S100A2: variants seen among roughly 807,000 people sequenced by gnomAD.
The protein encoded by S100A2 is S100 calcium binding protein A2.
S100A2 carries 5 observed loss-of-function variants against 4.3 expected under a neutral mutation model. The observed-to-expected ratio is 1.16, with a 90% CI of 0.61 to 2.44. S100A2 has a LOEUF of 2.44. Ranked by LOEUF, S100A2 falls within the 30% of genes most tolerant of loss-of-function variation. The probability of loss-of-function intolerance (pLI) is 0.01; values close to 1 mark genes in which losing one functional copy is unlikely to be tolerated. For missense variants in S100A2, 103 were observed against 114.7 expected (o/e 0.90, Z 0.47); for synonymous variants, 44 against 46.0 (o/e 0.96, Z 0.17).
At chr1:153,562,265 C>A (rs962820272) in intron 2 of S100A2, among the ~76,000 whole-genome samples, 1 of 152,150 alleles carries the variant, frequency 6.6e-6, no homozygotes. Flanking sequence ...GCAATCCACC[C>A]AAGTAGCTGG....
Position 153,561,442 on chromosome 1 carries a change from G to C in S100A2, c.294C>G (p.Pro98=), listed in dbSNP as rs1665892178. 1 of 1,612,238 alleles carries C rather than the reference G, an allele frequency of 6.2e-7. No homozygotes were observed. Among genetic ancestry groups the C allele is most frequent in the Non-Finnish European group, 8.5e-7 (1 of 1,178,368 alleles). Residue 98 remains proline, a synonymous_variant, in exon 3 of 3, where the codon CCC becomes CCG. Coordinates refer to ENST00000368708, the MANE Select transcript of S100A2 (RefSeq NM_005978.4). ...GCAGGAAGTCAAGAGTTCTGCTTCAGGGTCGGTCTGGGCAGCCCTGGAAGA... is the reference window on the plus strand; with the variant it reads ...GCAGGAAGTCAAGAGTTCTGCTTCACGGTCGGTCTGGGCAGCCCTGGAAGA... ...NDFFQGCPDR[P]
intron 1 of S100A2, chr1:153,564,153 G>GAGGGC (rs1665957952): frequency 5.2e-6 from 2 of 384,886 alleles, no homozygotes; most frequent in Non-Finnish European, 9.3e-6. Flanking sequence ...ACACCCCCCT[G>GAGGGC]AGGGCAGGGC....
chr1:153,563,417 G>C, intron 2 of S100A2: 2 of 1,550,024 alleles, frequency 1.3e-6, no homozygotes, highest in Non-Finnish European at 1.7e-6. Flanking sequence ...GAACGTGCCA[G>C]TGCTGTGTGA....
At position 153,565,818 on chromosome 1, in the gene S100A2, G is replaced by T. The variant is rs1237134604; in HGVS notation, c.-323C>A. 6.6e-6 allele frequency: 1 copy of T among 152,570 alleles called. No homozygotes were observed. Among genetic ancestry groups the T allele is most frequent in the African/African-American group, 2.4e-5 (1 of 41,464 alleles). 9.5% of individuals were successfully genotyped at this position (152,570 alleles called of 1,614,324 possible). A position where few individuals can be genotyped will look rare whatever the true frequency, so the allele number is the denominator to read the frequency against. Reference sequence around the variant, plus strand: ...TCGTGGGGACTGGGCATCCTGGACCGGGGTGAGGGGAGGCAACCCCTGCTC... The same window carrying T: ...TCGTGGGGACTGGGCATCCTGGACCTGGGTGAGGGGAGGCAACCCCTGCTC... On this transcript the variant is annotated 5_prime_UTR_variant, in exon 1 of 3. Transcript: ENST00000368708.
At position 153,561,156 on chromosome 1, in the gene S100A2, A is replaced by G. The variant is rs947329096; in HGVS notation, c.*283T>C. On this transcript the variant is annotated 3_prime_UTR_variant, in exon 3 of 3. Transcript: ENST00000368708. ...TTGACAAAATAAAAGTCAGCAACCTATCTCGATTTCCAATTTTTTGCTGGT... is the reference window on the plus strand; with the variant it reads ...TTGACAAAATAAAAGTCAGCAACCTGTCTCGATTTCCAATTTTTTGCTGGT... 2.7e-5 allele frequency: 8 copies of G among 298,904 alleles called. No homozygotes were observed. Among genetic ancestry groups the G allele is most frequent in the Non-Finnish European group, 4.9e-5 (8 of 164,520 alleles). 18.5% of individuals were successfully genotyped at this position (298,904 alleles called of 1,614,324 possible).
At position 153,563,852 on chromosome 1, in the gene S100A2, G is replaced by A. The variant is rs575985349; in HGVS notation, c.26C>T (p.Ala9Val). ...GAAGGTAGTGACCAGCACAGCCAGC[G>A]CCTGCTCCAGAGAACTGCACATCAT... Reference protein sequence around the residue: MMCSSLEQALAVLVTTFHK... With the variant: MMCSSLEQVLAVLVTTFHK... Residue 9 changes from alanine to valine, a missense_variant, in exon 2 of 3, where the codon GCG (alanine) becomes GTG (valine). Ala to Val is a moderately conservative substitution (Grantham distance 64). Coordinates refer to ENST00000368708, the MANE Select transcript of S100A2 (RefSeq NM_005978.4). 2.5e-5 allele frequency: 41 copies of A among 1,614,184 alleles called. No individual in the cohort carries two copies. The highest frequency in any genetic ancestry group is 1.8e-4 in the Admixed American group (11 of 60,026).
Position 153,564,064 on chromosome 1 carries a change from C to A in S100A2, c.-10-177G>T, listed in dbSNP as rs1238048448. The A allele has an allele frequency of 6.7e-6, 4 of 601,134 alleles. No homozygotes were observed. The Admixed American group carries it at 1.3e-4, about 20-fold the overall frequency. 37.2% of individuals were successfully genotyped at this position (601,134 alleles called of 1,614,324 possible). ...GGTTCCCTGAGGCCGGAGGCGATAC[C>A]TCCATCTCACCCTGAGGGCAGACGC... On this transcript the variant is annotated intron_variant, in intron 1 of 2. Coordinates refer to ENST00000368708, the MANE Select transcript of S100A2 (RefSeq NM_005978.4).
intron 2 of S100A2, among the ~76,000 whole-genome samples, chr1:153,562,580 A>C (rs79582850): frequency 0.01 from 1,560 of 152,360 alleles, 26 homozygotes; most frequent in African/African-American, 0.036. Context: ...CCAATGAGTC[A>C]GTATAGGGAG....
intron 1 of S100A2, chr1:153,564,239 C>G (rs1305150167): frequency 5.2e-6 from 1 of 191,994 alleles, no homozygotes; most frequent in Non-Finnish European, 1.1e-5. Context: ...TGCGCAGGCT[C>G]TGGGGAGCAG....
At chr1:153,564,568 G>C (rs1321260393) in intron 1 of S100A2, among the ~76,000 whole-genome samples, 1 of 152,160 alleles carries the variant, frequency 6.6e-6, no homozygotes, top group Non-Finnish European at 1.5e-5. Context: ...GATCCTGTTG[G>C]AATTAGAATT....
chr1:153,563,773 C>A lies in S100A2; in HGVS notation c.105G>T (p.Met35Ile), dbSNP rs764670446. Residue 35 changes from methionine to isoleucine, a missense_variant, in exon 2 of 3, where the codon ATG becomes ATT. Physicochemically the swap from Met to Ile is conservative, Grantham distance 10 (BLOSUM62 1). Coordinates refer to ENST00000368708, the MANE Select transcript of S100A2 (RefSeq NM_005978.4). Reference protein sequence around the residue: ...GDKFKLSKGEMKELLHKELPS... With the variant: ...GDKFKLSKGEIKELLHKELPS... ...GCAGCTCCTTGTGCAGAAGTTCCTT[C>A]ATTTCCCCCTTACTCAGCTTGAACT... is the stretch of plus-strand genomic sequence containing the variant. 1 of 1,614,226 alleles carries A rather than the reference C, an allele frequency of 6.2e-7. No individual in the cohort carries two copies. Among genetic ancestry groups the A allele is most frequent in the South Asian group, 1.1e-5 (1 of 91,086 alleles).
chr1:153,563,316 G>A lies in S100A2; in HGVS notation c.144+418C>T, dbSNP rs1345585962. 4 of 1,257,212 alleles carry A rather than the reference G, an allele frequency of 3.2e-6. No homozygotes were observed. In the African/African-American group the frequency reaches 4.6e-5, roughly 14 times the overall value. 77.9% of individuals were successfully genotyped at this position (1,257,212 alleles called of 1,614,324 possible). A position where few individuals can be genotyped will look rare whatever the true frequency, so the allele number is the denominator to read the frequency against. ...GACCCCTGGAGGCAGAGGTTGCAGT[G>A]AGCCGAGATCGTGCCATTGCACTCC... On this transcript the variant is annotated intron_variant, in intron 2 of 2. Transcript: ENST00000368708.
chr1:153,561,208 A>G lies in S100A2; in HGVS notation c.*231T>C, dbSNP rs1665886583. The stretch of plus-strand genomic sequence containing the variant: ...TTTGAAATTCCAAAATTGAGACCTA[A>G]AGCATAGCTCTGGCCTTGGAGAGAT... On this transcript the variant is annotated 3_prime_UTR_variant, in exon 3 of 3. Transcript: ENST00000368708. 5 of 403,390 alleles carry G rather than the reference A, an allele frequency of 1.2e-5. No individual in the cohort carries two copies. Among genetic ancestry groups the G allele is most frequent in the Non-Finnish European group, 2.2e-5 (5 of 231,460 alleles). 25.0% of individuals were successfully genotyped at this position (403,390 alleles called of 1,614,324 possible).
chr1:153,561,660 C>G, intron 2 of S100A2, 69 bp from the exon 3 acceptor site: 2 of 1,609,300 alleles, frequency 1.2e-6, no homozygotes, highest in Non-Finnish European at 1.7e-6. Context: ...ACACCCAGAC[C>G]CTCACACATT....
chr1:153,564,854 C>CTAAAAAAAAAAAAA, intron 1 of S100A2, among the ~76,000 whole-genome samples: 2 of 54,798 alleles, frequency 3.6e-5, no homozygotes, highest in South Asian at 1.2e-3. Flanking sequence ...CAGGACTTTG[C>CTAAAAAAAAAAAAA]AAAAAAAAAA....
chr1:153,561,661 C>T (rs1665898212), intron 2 of S100A2, 70 bp from the exon 3 acceptor site: 1 of 1,608,994 alleles, frequency 6.2e-7, no homozygotes, highest in African/African-American at 1.3e-5. Context: ...CACCCAGACC[C>T]TCACACATTC....
At chr1:153,563,111 T>C (rs1246374855) in intron 2 of S100A2, among the ~76,000 whole-genome samples, 3 of 147,746 alleles carry the variant, frequency 2.0e-5, no homozygotes, top group African/African-American at 7.3e-5. Flanking sequence ...CCGTCTCTAC[T>C]AAAAATACAA....
Position 153,561,130 on chromosome 1 carries a change from T to A in S100A2, c.*309A>T. 1 of 239,960 alleles carries A rather than the reference T, an allele frequency of 4.2e-6. No homozygotes were observed. The highest frequency in any genetic ancestry group is 7.9e-6 in the Non-Finnish European group (1 of 126,576). 14.9% of individuals were successfully genotyped at this position (239,960 alleles called of 1,614,324 possible). A position where few individuals can be genotyped will look rare whatever the true frequency, so the allele number is the denominator to read the frequency against. On this transcript the variant is annotated 3_prime_UTR_variant, in exon 3 of 3. Transcript: ENST00000368708. ...GTATTTGCCTTTTTTAATATCTTTA[T>A]TTGACAAAATAAAAGTCAGCAACCT...
chr1:153,561,686 C>T, intron 2 of S100A2, 95 bp from the exon 3 acceptor site: 1 of 1,572,308 alleles, frequency 6.4e-7, no homozygotes, highest in Non-Finnish European at 8.7e-7. Context: ...TGGTTCCCAG[C>T]TCTCCCTCCC....
Sources: gnomAD v4.1 joint callset for allele counts (sites outside exome capture counted in the v4.1 genomes callset) on GRCh38, gnomAD v4.1.1 for gene constraint, MANE v1.5 for transcripts, NCBI Gene and HGNC (gene_info 2026-07-23, HGNC 2026-07-21) for gene names.